The following DNAH3 variants were observed in gnomAD, a reference collection of about 807,000 sequenced individuals.
The protein encoded by DNAH3 is axonemal beta dynein heavy chain 3.
Under a neutral mutation model 432.5 loss-of-function variants are expected in DNAH3, and 332 were observed. The ratio of observed to expected loss-of-function variants is 0.77; its 90% CI spans 0.70 to 0.84. DNAH3 has a LOEUF of 0.84. Ranked by LOEUF, DNAH3 falls within the 40% of genes least tolerant of loss-of-function variation. DNAH3 has a pLI of 0.00. For missense variants in DNAH3, 4,861 were observed against 5,114.0 expected (o/e 0.95, Z 1.51); for synonymous variants, 1,956 against 1,900.2 (o/e 1.03, Z -0.76).
intron 44 of DNAH3, among the ~76,000 whole-genome samples, chr16:20,993,696 A>G (rs1597087428): frequency 6.6e-6 from 1 of 152,050 alleles, no homozygotes; most frequent in Non-Finnish European, 1.5e-5. Flanking sequence ...CTTTTTTTAA[A>G]TTTTTGAGAC....
At chr16:20,999,508 G>A (rs1431362764) in intron 43 of DNAH3, among the ~76,000 whole-genome samples, 1 of 152,146 alleles carries the variant, frequency 6.6e-6, no homozygotes, top group Non-Finnish European at 1.5e-5. Flanking sequence ...GAAGTGTGGG[G>A]CATTACTATT....
exon 50 of DNAH3, chr16:20,979,483 G>C: frequency 6.2e-7 from 1 of 1,614,124 alleles, no homozygotes; most frequent in Non-Finnish European, 8.5e-7. Context: ...TTCGAAGTTT[G>C]TTGTAATAAT....
At chr16:21,060,506 C>CTT in intron 25 of DNAH3, 150 bp from the exon 26 acceptor site, 1 of 357,364 alleles carries the variant, frequency 2.8e-6, no homozygotes, top group Non-Finnish European at 4.9e-6. Context: ...TCTCCCCGTT[C>CTT]TTTTTTTCTT....
rs147897060 is a variant in DNAH3, at chr16:20,954,931, G to A, written c.10953C>T (p.Pro3651=). The A allele has an allele frequency of 5.0e-6, 8 of 1,614,030 alleles. No homozygotes were observed. In the African/African-American group the frequency reaches 1.1e-4, roughly 22 times the overall value. ...TTTGGAAGAACACAGGATCTGAGATGGGGTCATTGAGGTAGGAGCGCAACA... is the reference window on the plus strand; with the variant it reads ...TTTGGAAGAACACAGGATCTGAGATAGGGTCATTGAGGTAGGAGCGCAACA... Residue 3651 remains proline, a synonymous_variant, in exon 55 of 62, where the codon CCC becomes CCT. Coordinates refer to ENST00000261383, the Ensembl canonical transcript of DNAH3.
chr16:20,936,888 T>C, intron 59 of DNAH3, 35 bp from the exon 60 acceptor site: 1 of 1,562,440 alleles, frequency 6.4e-7, no homozygotes, highest in Non-Finnish European at 8.7e-7. Context: ...AGCTGGGCTC[T>C]CCGGTGGCCA....
intron 7 of DNAH3, among the ~76,000 whole-genome samples, chr16:21,129,567 C>CAAAA (rs555280776): frequency 1.3e-5 from 1 of 77,994 alleles, no homozygotes; most frequent in African/African-American, 4.5e-5. Context: ...CCTATCTCTA[C>CAAAA]AAAAAAAAAA....
rs187590080 is a variant in DNAH3, at chr16:21,117,445, A to G, written c.1700-128T>C. 8.1e-5 allele frequency: 56 copies of G among 692,298 alleles called. No homozygotes were observed. In the African/African-American group the frequency reaches 1.0e-3, roughly 13 times the overall value. 42.9% of individuals were successfully genotyped at this position (692,298 alleles called of 1,614,324 possible). On this transcript the variant is annotated intron_variant, in intron 11 of 61. Coordinates refer to ENST00000261383, the Ensembl canonical transcript of DNAH3. ...ACTCATTTCCAGGGCTGCCAGCTGCATTTTTACTCTATTTCCTCTTAGATA... is the reference window on the plus strand; with the variant it reads ...ACTCATTTCCAGGGCTGCCAGCTGCGTTTTTACTCTATTTCCTCTTAGATA...
At chr16:20,983,480 G>A (rs905080788) in intron 48 of DNAH3, among the ~76,000 whole-genome samples, 5 of 152,046 alleles carry the variant, frequency 3.3e-5, no homozygotes, top group African/African-American at 9.7e-5. Flanking sequence ...CGCATCCTTC[G>A]GGTCACGTAG....
chr16:20,979,899 G>T (rs1354722515), intron 49 of DNAH3, among the ~76,000 whole-genome samples: 17 of 152,146 alleles, frequency 1.1e-4, no homozygotes, highest in Admixed American at 5.2e-4. Context: ...ACAGGCATGT[G>T]CCACCACGCC....
intron 25 of DNAH3, among the ~76,000 whole-genome samples, chr16:21,060,735 C>T (rs1010205865): frequency 2.0e-5 from 3 of 151,264 alleles, no homozygotes; most frequent in African/African-American, 7.3e-5. Context: ...CCATGTTGGC[C>T]AGGATGGTCT....
chr16:21,031,764 A>T (rs774260516), intron 36 of DNAH3, among the ~76,000 whole-genome samples: 1 of 152,254 alleles, frequency 6.6e-6, no homozygotes, highest in Non-Finnish European at 1.5e-5. Flanking sequence ...ACAGTGGCTC[A>T]CGCCTGTAAT....
chr16:21,116,339 ATGAGAG>A (rs1567817643), intron 12 of DNAH3, among the ~76,000 whole-genome samples: 1 of 152,030 alleles, frequency 6.6e-6, no homozygotes, highest in Non-Finnish European at 1.5e-5. Context: ...TAATTTAATC[ATGAGAG>A]CGGTTACCCT....
chr16:21,058,236 G>C, intron 26 of DNAH3, 40 bp from the exon 27 acceptor site: 5 of 1,301,552 alleles, frequency 3.8e-6, no homozygotes, highest in Non-Finnish European at 5.6e-6. Context: ...ATCAGTTCAC[G>C]TGTGGTTTAA....
intron 25 of DNAH3, among the ~76,000 whole-genome samples, chr16:21,060,625 A>G (rs1369841945): frequency 6.8e-6 from 1 of 147,320 alleles, no homozygotes; most frequent in African/African-American, 2.5e-5. Context: ...CCCTGGTTCA[A>G]GCGATTCTCC....
exon 49 of DNAH3, chr16:20,982,729 A>C (rs1381732554): frequency 6.2e-7 from 1 of 1,613,858 alleles, no homozygotes; most frequent in Admixed American, 1.7e-5. Flanking sequence ...ACTCTACCCG[A>C]ATGTTGTCAT....
At chr16:21,051,790 T>C in exon 29 of DNAH3, 1 of 1,614,110 alleles carries the variant, frequency 6.2e-7, no homozygotes, top group South Asian at 1.1e-5. Flanking sequence ...CACCCAGTAG[T>C]AGCGCAGCTG....
At chr16:21,097,844 G>T (rs899596876) in intron 17 of DNAH3, among the ~76,000 whole-genome samples, 1 of 152,252 alleles carries the variant, frequency 6.6e-6, no homozygotes, top group East Asian at 1.9e-4. Context: ...ACTTGCCTCA[G>T]AAGTAAGAAT....
At chr16:21,125,942 T>C (rs750657250) in intron 8 of DNAH3, among the ~76,000 whole-genome samples, 1 of 151,960 alleles carries the variant, frequency 6.6e-6, no homozygotes, top group Non-Finnish European at 1.5e-5. Flanking sequence ...AGGCCAGGAG[T>C]TAGAGACCAG....
At chr16:21,064,492 C>T (rs2090472421) in intron 24 of DNAH3, among the ~76,000 whole-genome samples, 1 of 152,174 alleles carries the variant, frequency 6.6e-6, no homozygotes, top group Admixed American at 6.5e-5. Context: ...TCATTTGTTA[C>T]TCAGCAAAGC....
Sources: gnomAD v4.1 joint callset for allele counts (sites outside exome capture counted in the v4.1 genomes callset) on GRCh38, gnomAD v4.1.1 for gene constraint, MANE v1.5 for transcripts, NCBI Gene and HGNC (gene_info 2026-07-23, HGNC 2026-07-21) for gene names.